PTAR1: variants seen among roughly 807,000 people sequenced by gnomAD.
PTAR1 encodes the protein protein prenyltransferase alpha subunit repeat-containing protein 1.
Under a neutral mutation model 45.5 loss-of-function variants are expected in PTAR1, and 17 were observed. The ratio of observed to expected loss-of-function variants is 0.37; its 90% CI spans 0.26 to 0.56. PTAR1 has a LOEUF of 0.56. Ranked by LOEUF, PTAR1 falls within the 20% of genes least tolerant of loss-of-function variation. The pLI, the probability that PTAR1 is intolerant of heterozygous loss-of-function variation, is 0.77. For synonymous variants in PTAR1, 169 were observed against 171.3 expected (o/e 0.99, Z 0.11); for missense variants, 391 against 476.3 (o/e 0.82, Z 1.67).
At position 69,715,930 on chromosome 9, in the gene PTAR1, T is replaced by C. The variant is rs1432183953; in HGVS notation, c.*2412A>G. The C allele has an allele frequency of 1.3e-5, 2 of 152,084 alleles. No homozygotes were observed. The highest frequency in any genetic ancestry group is 1.9e-4 in the East Asian group (1 of 5,190). 9.4% of individuals were successfully genotyped at this position (152,084 alleles called of 1,614,324 possible). On this transcript the variant is annotated 3_prime_UTR_variant, in exon 8 of 8. Transcript: ENST00000340434. ...AAACTTTTAGGAAGGAAACAAGACA[T>C]ATTAAAGGACTGTGCGGCTTCAGAA...
chr9:69,727,019 G>A (rs1446765675), intron 5 of PTAR1, among the ~76,000 whole-genome samples: 2 of 73,716 alleles, frequency 2.7e-5, no homozygotes, highest in East Asian at 6.0e-4. Context: ...AATTAAAATT[G>A]TGTATATACA....
At chr9:69,745,155 G>C (rs1486190493) in intron 2 of PTAR1, among the ~76,000 whole-genome samples, 1 of 152,192 alleles carries the variant, frequency 6.6e-6, no homozygotes, top group African/African-American at 2.4e-5. Flanking sequence ...AAAGAAATGA[G>C]TATTTTCAAC....
intron 1 of PTAR1, among the ~76,000 whole-genome samples, chr9:69,759,650 C>G (rs542131116): frequency 6.4e-4 from 97 of 152,298 alleles, no homozygotes; most frequent in African/African-American, 2.2e-3. Flanking sequence ...TCTAGGGACT[C>G]GACCGCGAGC....
chr9:69,737,314 C>T (rs1564138018), intron 3 of PTAR1, among the ~76,000 whole-genome samples: 4 of 152,130 alleles, frequency 2.6e-5, no homozygotes, highest in Admixed American at 6.6e-5. Context: ...CTTCTGAGCT[C>T]AAGCAATCCA....
At chr9:69,744,409 G>A (rs1164573410) in intron 2 of PTAR1, among the ~76,000 whole-genome samples, 6 of 149,300 alleles carry the variant, frequency 4.0e-5, no homozygotes, top group Non-Finnish European at 7.4e-5. Flanking sequence ...TCTCTGAGAC[G>A]GAGGCTCACT....
Position 69,745,642 on chromosome 9 carries a change from C to CT in PTAR1, c.257-3785dup, listed in dbSNP as rs537225482. On this transcript the variant is annotated intron_variant, in intron 2 of 7. Coordinates refer to ENST00000340434, the MANE Select transcript of PTAR1 (RefSeq NM_001099666.2). ...TAACACTTCCTCTACTGGCAGGTCT[C>CT]TCCCTAAGAGAGCAACAGCAGCTAC... Among the ~76,000 whole-genome samples, 101 of 152,352 alleles carry CT rather than the reference C, an allele frequency of 6.6e-4. 3 individuals carry two copies. In the South Asian group the frequency reaches 0.02, roughly 30 times the overall value.
At chr9:69,726,743 ACTGC>A (rs1157888916) in intron 5 of PTAR1, among the ~76,000 whole-genome samples, 2 of 151,936 alleles carry the variant, frequency 1.3e-5, no homozygotes, top group African/African-American at 4.8e-5. Context: ...TCATTTATGA[ACTGC>A]CTATTTTGCC....
At chr9:69,744,257 A>G (rs984354435) in intron 2 of PTAR1, among the ~76,000 whole-genome samples, 3 of 152,094 alleles carry the variant, frequency 2.0e-5, no homozygotes, top group Admixed American at 2.0e-4. Context: ...CTTTTCTCGG[A>G]ACATAATTCA....
intron 5 of PTAR1, among the ~76,000 whole-genome samples, chr9:69,724,029 CTTTA>C (rs1008154168): frequency 6.6e-6 from 1 of 152,120 alleles, no homozygotes; most frequent in Non-Finnish European, 1.5e-5. Context: ...TTGATATAAA[CTTTA>C]TTTTACATTT....
intron 6 of PTAR1, among the ~76,000 whole-genome samples, chr9:69,720,028 T>C (rs921232021): frequency 6.6e-6 from 1 of 152,120 alleles, no homozygotes; most frequent in African/African-American, 2.4e-5. Flanking sequence ...ATATTGAAAT[T>C]AGGCCAAGCA....
intron 1 of PTAR1, chr9:69,757,876 A>G (rs764875589): frequency 1.1e-4 from 16 of 152,286 alleles, no homozygotes; most frequent in Non-Finnish European, 2.1e-4. Context: ...ATGCATAGTA[A>G]TATTATTGAA....
chr9:69,753,137 G>A (rs1366601696), intron 1 of PTAR1, among the ~76,000 whole-genome samples: 1 of 123,582 alleles, frequency 8.1e-6, no homozygotes, highest in African/African-American at 2.8e-5. Context: ...GTTTTTGGGG[G>A]GGATTTTTTT....
intron 3 of PTAR1, among the ~76,000 whole-genome samples, chr9:69,737,616 CTT>C (rs1825849805): frequency 6.6e-6 from 1 of 152,158 alleles, no homozygotes; most frequent in Non-Finnish European, 1.5e-5. Context: ...ACTGACTACT[CTT>C]TTTCTTTTCT....
chr9:69,759,866 T>C lies in PTAR1; in HGVS notation c.73A>G (p.Arg25Gly). Residue 25 changes from arginine (R) to glycine (G), a missense_variant, in exon 1 of 8, where the codon AGG becomes GGG. Physicochemically the swap from Arg to Gly is moderately radical, Grantham distance 125. Around this residue, in one of 5 missense-constraint regions of PTAR1, gnomAD observed 152 missense variants for 160.0 expected, o/e 0.95. Transcript: ENST00000340434. Reference protein sequence around the residue: ...VVKDITNAFRRNPHIDEIGLI... With the variant: ...VVKDITNAFRGNPHIDEIGLI... Reference sequence around the variant, plus strand: ...CGCGCGACTCACATGTGTGGGTTCCTCCTGAAGGCGTTAGTGATGTCCTTC... The same window carrying C: ...CGCGCGACTCACATGTGTGGGTTCCCCCTGAAGGCGTTAGTGATGTCCTTC... 1 of 1,528,330 alleles carries C rather than the reference T, an allele frequency of 6.5e-7. No homozygotes were observed. Among genetic ancestry groups the C allele is most frequent in the Non-Finnish European group, 8.8e-7 (1 of 1,137,152 alleles). The allele number at this position is 1,528,330 out of a possible 1,614,324, so 94.7% of individuals were successfully genotyped here.
intron 5 of PTAR1, among the ~76,000 whole-genome samples, chr9:69,725,603 A>AAT (rs1554715487): frequency 2.6e-5 from 4 of 151,168 alleles, no homozygotes; most frequent in African/African-American, 7.3e-5. Flanking sequence ...AAAGAAAAAA[A>AAT]ATATATATAT....
At chr9:69,729,408 A>G (rs762385187) in intron 5 of PTAR1, among the ~76,000 whole-genome samples, 15 of 152,238 alleles carry the variant, frequency 9.9e-5, no homozygotes, top group Non-Finnish European at 1.6e-4. Flanking sequence ...CAAAATATAC[A>G]TTTTAGTCAT....
rs1824453269 is a variant in PTAR1 at position 69,709,749 on chromosome 9, T to G, written c.*8593A>C. On this transcript the variant is annotated 3_prime_UTR_variant, in exon 8 of 8. Transcript: ENST00000340434. The stretch of plus-strand genomic sequence containing the variant: ...CTGGAAGACAGTTGCAGAGGAAGAT[T>G]AGAATCCCAGGGCTGTTTGTTAATA... 2 of 152,086 alleles carry G rather than the reference T, an allele frequency of 1.3e-5. No homozygotes were observed. Among genetic ancestry groups the G allele is most frequent in the Non-Finnish European group, 2.9e-5 (2 of 67,980 alleles). 9.4% of individuals were successfully genotyped at this position (152,086 alleles called of 1,614,324 possible).
chr9:69,759,723 T>C, intron 1 of PTAR1, 130 bp downstream of exon 1: 1 of 865,488 alleles, frequency 1.2e-6, no homozygotes, highest in Middle Eastern at 3.6e-4. Flanking sequence ...GACACGGCTC[T>C]GCCTCCTCCC....
intron 6 of PTAR1, among the ~76,000 whole-genome samples, chr9:69,719,210 C>T (rs1824871461): frequency 6.6e-6 from 1 of 152,096 alleles, no homozygotes; most frequent in African/African-American, 2.4e-5. Context: ...CTGAACTTTA[C>T]CCTAAATCCA....
Sources: gnomAD v4.1 joint callset for allele counts (sites outside exome capture counted in the v4.1 genomes callset) on GRCh38, gnomAD v4.1.1 for gene constraint, gnomAD v4.1.1 regional missense constraint, MANE v1.5 for transcripts, NCBI Gene and HGNC (gene_info 2026-07-23, HGNC 2026-07-21) for gene names.